The following DISP3 variants were observed in gnomAD, a reference collection of about 807,000 sequenced individuals.
DISP3 encodes dispatched RND transporter family member 3.
DISP3 carries 101 observed loss-of-function variants against 135.3 expected under a neutral mutation model. The observed-to-expected ratio is 0.75, with a 90% CI of 0.64 to 0.88. DISP3 has a LOEUF of 0.88. DISP3 is among the 40% of genes least tolerant of loss of function. DISP3 has a pLI of 0.00. For missense variants in DISP3, 1,713 were observed against 1,878.6 expected (o/e 0.91, Z 1.63); for synonymous variants, 856 against 817.0 (o/e 1.05, Z -0.81).
rs1044209576 is a variant in DISP3, at chr1:11,519,770, T to C, written c.2090T>C (p.Leu697Pro). ...CTGGTGTCTGTGTCCCCCGAGGGTC[T>C]GCAGCCAGCCTCCAACACGGGCAGC... Reference protein sequence around the residue: ...VSLVSVSPEGLQPASNTGSRG... With the variant: ...VSLVSVSPEGPQPASNTGSRG... The change falls in exon 9 of 21, where the codon CTG becomes CCG. Residue 697 changes from leucine to proline, a missense_variant. By Grantham distance (98) the Leu-to-Pro change is moderately conservative. Coordinates refer to ENST00000294484, the MANE Select transcript of DISP3 (RefSeq NM_020780.2). This position sits in a 1 kb window ranked among gnomAD's most constrained non-coding sequence, Gnocchi z 4.3. 3.7e-6 allele frequency: 6 copies of C among 1,613,038 alleles called. No individual in the cohort carries two copies. The African/African-American group carries it at 4.0e-5, about 11-fold the overall frequency.
rs775340904 is a variant in DISP3 at position 11,501,153 on chromosome 1, G to A, written c.161G>A (p.Arg54Gln). Reference sequence around the variant, plus strand: ...TGGCGGCACTGGCCCCTGGCTTCCCGACCCCCAGCTTCGGGCTTCTGGAGT... The same window carrying A: ...TGGCGGCACTGGCCCCTGGCTTCCCAACCCCCAGCTTCGGGCTTCTGGAGT... ...CCWRHWPLAS[R>Q]PPASGFWSTL... Residue 54 changes from arginine (R) to glutamine (Q), a missense_variant, in exon 2 of 21, where the codon CGA (arginine) becomes CAA (glutamine). Arg to Gln is a conservative substitution (Grantham distance 43, BLOSUM62 1). Coordinates refer to ENST00000294484, the MANE Select transcript of DISP3 (RefSeq NM_020780.2). This position sits in a 1 kb window ranked among gnomAD's most constrained non-coding sequence, Gnocchi z 4.9. The A allele has an allele frequency of 2.0e-5, 33 of 1,613,730 alleles. No individual in the cohort carries two copies. Among genetic ancestry groups the A allele is most frequent in the Non-Finnish European group, 2.4e-5 (28 of 1,179,914 alleles).
intron 7 of DISP3, among the ~76,000 whole-genome samples, chr1:11,518,046 G>A (rs866538453): frequency 2.0e-5 from 3 of 152,296 alleles, no homozygotes; most frequent in Middle Eastern, 3.4e-3. Flanking sequence ...GTAGTGAGAC[G>A]TGTGCAGAGT....
chr1:11,491,611 AAAAC>A lies in DISP3; in HGVS notation c.-3-9367_-3-9364del, dbSNP rs1255844880. Among the ~76,000 whole-genome samples, 13 of 152,012 alleles carry A rather than the reference AAAAC, an allele frequency of 8.6e-5. No individual in the cohort carries two copies. Among genetic ancestry groups the A allele is most frequent in the African/African-American group, 1.9e-4 (8 of 41,472 alleles). Reference sequence around the variant, plus strand: ...GGGTGACAGAGTGAGATCCCATCTCAAAACAAACAAACAAAACAAAACAAAACCC... The same window carrying A: ...GGGTGACAGAGTGAGATCCCATCTCAAAACAAACAAAACAAAACAAAACCC... On this transcript the variant is annotated intron_variant, in intron 1 of 20. Coordinates refer to ENST00000294484, the MANE Select transcript of DISP3 (RefSeq NM_020780.2). The surrounding 1 kb of genome is among the most constrained non-coding windows in gnomAD (Gnocchi z 4.3).
At chr1:11,511,674 A>G (rs1641859788) in intron 3 of DISP3, among the ~76,000 whole-genome samples, 1 of 152,118 alleles carries the variant, frequency 6.6e-6, no homozygotes, top group African/African-American at 2.4e-5. Context: ...CAGTGGATCT[A>G]CAATTCTGGA....
chr1:11,530,514 G>A (rs1427792428), intron 15 of DISP3, among the ~76,000 whole-genome samples: 1 of 152,140 alleles, frequency 6.6e-6, no homozygotes, highest in African/African-American at 2.4e-5. Flanking sequence ...GGAGTCGGAG[G>A]AGATCTGTGT....
chr1:11,517,096 C>T (rs1052748802), intron 6 of DISP3, among the ~76,000 whole-genome samples: 2 of 152,216 alleles, frequency 1.3e-5, no homozygotes, highest in Non-Finnish European at 2.9e-5. Flanking sequence ...CTCTCCCTCC[C>T]CCTCACTAGC....
chr1:11,529,405 C>T lies in DISP3; in HGVS notation c.2799-151C>T. 1.0e-6 allele frequency: 1 copy of T among 971,214 alleles called. No homozygotes were observed. The highest frequency in any genetic ancestry group is 1.5e-6 in the Non-Finnish European group (1 of 657,372). 60.2% of individuals were successfully genotyped at this position (971,214 alleles called of 1,614,324 possible). On this transcript the variant is annotated intron_variant, in intron 13 of 20. Transcript: ENST00000294484. This position sits in a 1 kb window ranked among gnomAD's most constrained non-coding sequence, Gnocchi z 4.7. ...AGCCCAGGGCACATCCCCCAGCCCTCAACCTGAGAACAAATCCCCATGCCG... is the reference window on the plus strand; with the variant it reads ...AGCCCAGGGCACATCCCCCAGCCCTTAACCTGAGAACAAATCCCCATGCCG...
At chr1:11,532,679 T>C (rs1246004083) in intron 17 of DISP3, among the ~76,000 whole-genome samples, 2 of 152,086 alleles carry the variant, frequency 1.3e-5, no homozygotes, top group East Asian at 1.9e-4. Flanking sequence ...TAAGGTAAAA[T>C]TGACCATCTT....
rs1276809551 is a variant in DISP3 at position 11,536,950 on chromosome 1, C to T, written c.*264C>T. The T allele has an allele frequency of 9.6e-6, 5 of 523,450 alleles. No individual in the cohort carries two copies. In the East Asian group the frequency reaches 1.6e-4, roughly 17 times the overall value. 32.4% of individuals were successfully genotyped at this position (523,450 alleles called of 1,614,324 possible). ...CCAGTGGCAGAAGAGACCAGCCCTC[C>T]TCCCATGCCCGGTCACCATGGGGGT... On this transcript the variant is annotated 3_prime_UTR_variant, in exon 21 of 21. Transcript: ENST00000294484. The surrounding 1 kb of genome is among the most constrained non-coding windows in gnomAD (Gnocchi z 4.3).
chr1:11,534,824 C>T lies in DISP3; in HGVS notation c.3536-187C>T, dbSNP rs567711969. The T allele has an allele frequency of 1.4e-3, 1,055 of 774,602 alleles. 3 individuals are homozygous for T. The highest frequency in any genetic ancestry group is 2.0e-3 in the Non-Finnish European group (918 of 451,730). 48.0% of individuals were successfully genotyped at this position (774,602 alleles called of 1,614,324 possible). Reference sequence around the variant, plus strand: ...TACCAGCCCCTCCTAGGTGCCTAGGCTCCGGGCTGAGGGCCTGACCTGTGT... The same window carrying T: ...TACCAGCCCCTCCTAGGTGCCTAGGTTCCGGGCTGAGGGCCTGACCTGTGT... On this transcript the variant is annotated intron_variant, in intron 18 of 20. Coordinates refer to ENST00000294484, the MANE Select transcript of DISP3 (RefSeq NM_020780.2).
At chr1:11,487,828 A>C (rs1641080007) in intron 1 of DISP3, among the ~76,000 whole-genome samples, 1 of 152,200 alleles carries the variant, frequency 6.6e-6, no homozygotes, top group African/African-American at 2.4e-5. Context: ...CAGGAGGCTG[A>C]AAGCGGATGG....
chr1:11,519,830 T>A lies in DISP3; in HGVS notation c.2150T>A (p.Leu717Gln), dbSNP rs1642129470. 1.2e-6 allele frequency: 2 copies of A among 1,612,540 alleles called. No individual in the cohort carries two copies. ...GHLIVQLQEL[L>Q]HHWVLWSAVK... ...CTCATCGTGCAGCTGCAGGAGCTGCTGCACCACTGGGTCCTGTGGTCAGCC... is the reference window on the plus strand; with the variant it reads ...CTCATCGTGCAGCTGCAGGAGCTGCAGCACCACTGGGTCCTGTGGTCAGCC... The change falls in exon 9 of 21, where the codon CTG becomes CAG. Residue 717 changes from leucine to glutamine, a missense_variant. By Grantham distance (113) the Leu-to-Gln change is moderately radical. Transcript: ENST00000294484. This position sits in a 1 kb window ranked among gnomAD's most constrained non-coding sequence, Gnocchi z 4.3.
chr1:11,501,027 T>A lies in DISP3; in HGVS notation c.35T>A (p.Val12Glu). 6.2e-7 allele frequency: 1 copy of A among 1,614,124 alleles called. No individual in the cohort carries two copies. The highest frequency in any genetic ancestry group is 2.2e-5 in the East Asian group (1 of 44,880). ...GAGGATGACCCCTTGCTGCAGGATGTGTGGCTAGAGGAGGAGCAGGAGGAG... is the reference window on the plus strand; with the variant it reads ...GAGGATGACCCCTTGCTGCAGGATGAGTGGCTAGAGGAGGAGCAGGAGGAG... ...DTEDDPLLQD[V>E]WLEEEQEEEE... The change falls in exon 2 of 21, where the codon GTG (valine) becomes GAG (glutamate). Residue 12 changes from valine to glutamate, a missense_variant. By Grantham distance (121) the Val-to-Glu change is moderately radical. Coordinates refer to ENST00000294484, the MANE Select transcript of DISP3 (RefSeq NM_020780.2). This position sits in a 1 kb window ranked among gnomAD's most constrained non-coding sequence, Gnocchi z 4.9.
chr1:11,534,504 T>C lies in DISP3; in HGVS notation c.3499T>C (p.Cys1167Arg), dbSNP rs763803188. ...AGTCCTGCGCCGGGGCTTCCAGACC[T>C]GCGAGCACTGGAAGCAGATATTCAT... ...GSVLRRGFQT[C>R]EHWKQIFMEI... Residue 1167 changes from cysteine (C) to arginine (R), a missense_variant, in exon 18 of 21, where the codon TGC becomes CGC. This residue lies in a region of DISP3 where 1,142 missense variants were observed against 1,384.6 expected (regional missense o/e 0.82). Transcript: ENST00000294484. The C allele has an allele frequency of 3.1e-6, 5 of 1,612,698 alleles. No homozygotes were observed. Among genetic ancestry groups the C allele is most frequent in the Non-Finnish European group, 3.4e-6 (4 of 1,179,066 alleles).
chr1:11,519,774 G>A lies in DISP3; in HGVS notation c.2094G>A (p.Gln698=). ...SLVSVSPEGL[Q]PASNTGSRGH... ...TGTCTGTGTCCCCCGAGGGTCTGCA[G>A]CCAGCCTCCAACACGGGCAGCCGCG... is the stretch of plus-strand genomic sequence containing the variant. Residue 698 remains glutamine (Q), a synonymous_variant, in exon 9 of 21, where the codon CAG becomes CAA. Coordinates refer to ENST00000294484, the MANE Select transcript of DISP3 (RefSeq NM_020780.2). The surrounding 1 kb of genome is among the most constrained non-coding windows in gnomAD (Gnocchi z 4.3). The A allele has an allele frequency of 6.2e-7, 1 of 1,613,120 alleles. No homozygotes were observed. The highest frequency in any genetic ancestry group is 8.5e-7 in the Non-Finnish European group (1 of 1,180,010).
chr1:11,492,252 G>A (rs1048627867), intron 1 of DISP3, among the ~76,000 whole-genome samples: 3 of 152,026 alleles, frequency 2.0e-5, no homozygotes, highest in African/African-American at 4.8e-5. Flanking sequence ...CTGTCCCACT[G>A]AGCCCACTAG....
chr1:11,535,931 C>T (rs1460010073), intron 20 of DISP3, among the ~76,000 whole-genome samples: 1 of 152,206 alleles, frequency 6.6e-6, no homozygotes, highest in Middle Eastern at 3.2e-3. Context: ...AGGTCCATGA[C>T]TCATTCTCCT....
Position 11,517,558 on chromosome 1 carries a change from C to G in DISP3, c.1845C>G (p.Leu615=). 6.2e-7 allele frequency: 1 copy of G among 1,614,198 alleles called. No homozygotes were observed. The highest frequency in any genetic ancestry group is 1.3e-5 in the African/African-American group (1 of 75,062). The change falls in exon 7 of 21, where the codon CTC becomes CTG. Residue 615 remains leucine, a synonymous_variant. Coordinates refer to ENST00000294484, the MANE Select transcript of DISP3 (RefSeq NM_020780.2). ...VLVTMPAALG[L]WSLYLAPLES... is the part of the protein sequence containing the mutation. ...TCACCATGCCTGCAGCTCTGGGCCT[C>G]TGGAGCCTCTACCTGGCACCACTGG...
chr1:11,497,718 C>T (rs1169240751), intron 1 of DISP3, among the ~76,000 whole-genome samples: 1 of 152,168 alleles, frequency 6.6e-6, no homozygotes, highest in South Asian at 2.1e-4. Flanking sequence ...TTTGCGTCCT[C>T]ATAGCTTAGC....
Sources: gnomAD v4.1 joint callset for allele counts (sites outside exome capture counted in the v4.1 genomes callset) on GRCh38, gnomAD v4.1.1 for gene constraint, gnomAD v4.1.1 regional missense constraint, Gnocchi (gnomAD v3.1) non-coding constraint, MANE v1.5 for transcripts, NCBI Gene and HGNC (gene_info 2026-07-23, HGNC 2026-07-21) for gene names.